PARD3B: variants seen among roughly 807,000 people sequenced by gnomAD.
PARD3B encodes the protein par-3 family cell polarity regulator beta.
PARD3B carries 103 observed loss-of-function variants against 130.2 expected under a neutral mutation model. The ratio of observed to expected loss-of-function variants is 0.79; its 90% CI spans 0.67 to 0.93. The LOEUF is 0.93. Ranked by LOEUF, PARD3B falls within the 40% of genes least tolerant of loss-of-function variation. The probability of loss-of-function intolerance (pLI) is 0.00; values close to 1 mark genes in which losing one functional copy is unlikely to be tolerated. For missense variants in PARD3B, 1,609 were observed against 1,499.2 expected, an observed-to-expected ratio of 1.07 and a Z score of -1.21; for synonymous variants, 583 against 553.2, an observed-to-expected ratio of 1.05 and a Z score of -0.76.
At chr2:204,963,611 TA>T (rs1690941759) in intron 2 of PARD3B, among the ~76,000 whole-genome samples, 1 of 152,202 alleles carries the variant, frequency 6.6e-6, no homozygotes, top group South Asian at 2.1e-4. Context: ...TCCACCACAT[TA>T]AAAAGTTGAT....
Position 204,563,257 on chromosome 2 carries a change from CTCTCTCTCTT to C in PARD3B, c.120+17146_120+17155del, listed in dbSNP as rs1553542026. ...TCTCTCTCTCTCTCTCTCTCTCTCT[CTCTCTCTCTT>C]TCTCTCTTCTCCCTTTATAAGGACA... On this transcript the variant is annotated intron_variant, in intron 1 of 22. Coordinates refer to ENST00000406610, the MANE Select transcript of PARD3B (RefSeq NM_001302769.2). 4.2e-4 allele frequency among the ~76,000 whole-genome samples: 60 copies of C among 142,764 alleles called. 1 individual carries two copies. The highest frequency in any genetic ancestry group is 6.4e-4 in the Non-Finnish European group (42 of 65,406). The allele number at this position is 142,764 out of a possible 152,430, so 93.7% of individuals were successfully genotyped here. A position where few individuals can be genotyped will look rare whatever the true frequency, so the allele number is the denominator to read the frequency against.
At chr2:205,014,582 G>A (rs549375946) in intron 3 of PARD3B, among the ~76,000 whole-genome samples, 2 of 152,190 alleles carry the variant, frequency 1.3e-5, no homozygotes, top group African/African-American at 2.4e-5. Context: ...CTAATAAAAT[G>A]TGCCTATGAT....
intron 2 of PARD3B, among the ~76,000 whole-genome samples, chr2:204,936,192 C>T (rs189081893): frequency 3.5e-4 from 53 of 152,342 alleles, no homozygotes; most frequent in African/African-American, 1.1e-3. Flanking sequence ...TGCCACTGCT[C>T]CAGCTTTCTC....
intron 19 of PARD3B, among the ~76,000 whole-genome samples, chr2:205,406,526 T>C (rs2106033719): frequency 6.6e-6 from 1 of 152,162 alleles, no homozygotes; most frequent in African/African-American, 2.4e-5. Flanking sequence ...GTCACTGATC[T>C]ATTTCCTTTA....
chr2:205,102,469 TCTGTAAG>T (rs2125568199), intron 4 of PARD3B, among the ~76,000 whole-genome samples: 1 of 152,030 alleles, frequency 6.6e-6, no homozygotes, highest in African/African-American at 2.4e-5. Context: ...TCTCCACTTA[TCTGTAAG>T]CATATATCAA....
At chr2:205,385,026 A>G (rs991353488) in intron 18 of PARD3B, among the ~76,000 whole-genome samples, 2 of 151,664 alleles carry the variant, frequency 1.3e-5, no homozygotes, top group Non-Finnish European at 2.9e-5. Flanking sequence ...TATAATAGGT[A>G]TTTGAAAAAT....
chr2:205,132,468 G>T (rs1392472441), intron 10 of PARD3B, among the ~76,000 whole-genome samples: 2 of 151,872 alleles, frequency 1.3e-5, no homozygotes, highest in Non-Finnish European at 2.9e-5. Flanking sequence ...TGAAAGGGAG[G>T]ACACTCCTCT....
chr2:205,528,844 G>A (rs529089497), intron 21 of PARD3B, among the ~76,000 whole-genome samples: 3 of 104,178 alleles, frequency 2.9e-5, no homozygotes, highest in South Asian at 9.3e-4. Context: ...CAGCAAATAG[G>A]TCATTGCTAA....
intron 3 of PARD3B, among the ~76,000 whole-genome samples, chr2:205,030,866 G>A (rs1046269553): frequency 1.3e-5 from 2 of 152,140 alleles, no homozygotes; most frequent in African/African-American, 4.8e-5. Context: ...AGGGGGGTCT[G>A]TTTACCCAAC....
At chr2:204,889,958 G>T (rs1017259518) in intron 2 of PARD3B, among the ~76,000 whole-genome samples, 1 of 152,214 alleles carries the variant, frequency 6.6e-6, no homozygotes, top group Non-Finnish European at 1.5e-5. Context: ...CAGAATTGCT[G>T]ATTCTAAATC....
At chr2:204,938,993 A>C (rs1175962115) in intron 2 of PARD3B, among the ~76,000 whole-genome samples, 1 of 152,194 alleles carries the variant, frequency 6.6e-6, no homozygotes, top group Non-Finnish European at 1.5e-5. Context: ...GGACTATTCC[A>C]TATTTATATG....
At position 205,366,516 on chromosome 2, in the gene PARD3B, A is replaced by G. The variant is rs2105895795; in HGVS notation, c.2631-34497A>G. Among the ~76,000 whole-genome samples, 1 of 152,320 alleles carries G rather than the reference A, an allele frequency of 6.6e-6. No individual in the cohort carries two copies. The highest frequency in any genetic ancestry group is 1.5e-5 in the Non-Finnish European group (1 of 68,030). ...CACTGCATTTTACATGTGGGGACCC[A>G]GAGGAATAGAAATGTCACATCGTGA... On this transcript the variant is annotated intron_variant, in intron 18 of 22. Coordinates refer to ENST00000406610, the MANE Select transcript of PARD3B (RefSeq NM_001302769.2). This position sits in a 1 kb window ranked among gnomAD's most constrained non-coding sequence, Gnocchi z 5.0.
chr2:204,919,518 A>G (rs59381758), intron 2 of PARD3B, among the ~76,000 whole-genome samples: 4,151 of 152,238 alleles, frequency 0.027, 179 homozygotes, highest in African/African-American at 0.095. Flanking sequence ...ATTCATTTGT[A>G]TAAGGCTTCT....
intron 14 of PARD3B, among the ~76,000 whole-genome samples, chr2:205,188,789 A>C (rs1200467371): frequency 6.7e-6 from 1 of 149,430 alleles, no homozygotes; most frequent in East Asian, 1.9e-4. Context: ...CTTTCAAAAA[A>C]AAAAAAAAAA....
chr2:205,054,816 G>A (rs1465974254), intron 4 of PARD3B, among the ~76,000 whole-genome samples: 1 of 152,020 alleles, frequency 6.6e-6, no homozygotes, highest in Non-Finnish European at 1.5e-5. Flanking sequence ...CACATCTAAA[G>A]CAGTTAAACA....
At chr2:205,184,072 T>C (rs907122391) in intron 13 of PARD3B, among the ~76,000 whole-genome samples, 25 of 152,160 alleles carry the variant, frequency 1.6e-4, no homozygotes, top group African/African-American at 6.0e-4. Flanking sequence ...ATCTTTTTTG[T>C]TCTATTCATG....
chr2:205,059,341 C>CTA (rs1699924833), intron 4 of PARD3B, among the ~76,000 whole-genome samples: 1 of 152,002 alleles, frequency 6.6e-6, no homozygotes, highest in Admixed American at 6.6e-5. Context: ...ATGAAGGACC[C>CTA]TATGTATGAG....
intron 1 of PARD3B, among the ~76,000 whole-genome samples, chr2:204,579,863 C>G (rs1403988137): frequency 6.6e-6 from 1 of 152,216 alleles, no homozygotes; most frequent in Non-Finnish European, 1.5e-5. Context: ...CTTCTTTTCC[C>G]CCATCCTACC....
chr2:205,206,686 T>C (rs2037333072), intron 15 of PARD3B, among the ~76,000 whole-genome samples: 1 of 152,070 alleles, frequency 6.6e-6, no homozygotes, highest in Non-Finnish European at 1.5e-5. Context: ...TACGTGTGCA[T>C]GTGTCTTTAT....
Sources: gnomAD v4.1 joint callset for allele counts (sites outside exome capture counted in the v4.1 genomes callset) on GRCh38, gnomAD v4.1.1 for gene constraint, Gnocchi (gnomAD v3.1) non-coding constraint, MANE v1.5 for transcripts, NCBI Gene and HGNC (gene_info 2026-07-23, HGNC 2026-07-21) for gene names.